ALG14: variants seen among roughly 807,000 people sequenced by gnomAD.
The protein encoded by ALG14 is ALG14 UDP-N-acetylglucosaminyltransferase subunit.
Under a neutral mutation model 22.8 loss-of-function variants are expected in ALG14, and 17 were observed. The ratio of observed to expected loss-of-function variants is 0.75; its 90% CI spans 0.51 to 1.12. The LOEUF (loss-of-function observed/expected upper bound fraction) is 1.12, where lower values mean the gene tolerates loss of function less well. Ranked by LOEUF, ALG14 falls within the 50% of genes most tolerant of loss-of-function variation. The pLI is 0.00. For missense variants in ALG14, 288 were observed against 271.8 expected, an observed-to-expected ratio of 1.06 and a Z score of -0.42; for synonymous variants, 89 against 103.7, an observed-to-expected ratio of 0.86 and a Z score of 0.86.
intron 3 of ALG14, among the ~76,000 whole-genome samples, chr1:95,023,450 G>A (rs538533523): frequency 1.2e-4 from 18 of 152,234 alleles, no homozygotes; most frequent in African/African-American, 4.3e-4. Context: ...TATGAACTTA[G>A]ACATTTCACA....
intron 2 of ALG14, among the ~76,000 whole-genome samples, chr1:95,044,191 C>T (rs1042989123): frequency 1.1e-4 from 17 of 152,252 alleles, no homozygotes; most frequent in African/African-American, 4.1e-4. Context: ...TTACTCCTGG[C>T]CCTCCTGATG....
chr1:94,979,827 A>G lies in ALG14; in HGVS notation c.*3249T>C, dbSNP rs527360419. The G allele has an allele frequency of 6.6e-6, 1 of 152,316 alleles. No individual in the cohort carries two copies. Among genetic ancestry groups the G allele is most frequent in the South Asian group, 2.1e-4 (1 of 4,828 alleles). The allele number at this position is 152,316 out of a possible 1,614,324, so 9.4% of individuals were successfully genotyped here. On this transcript the variant is annotated 3_prime_UTR_variant, in exon 4 of 4. Coordinates refer to ENST00000370205, the MANE Select transcript of ALG14 (RefSeq NM_144988.4). ...ACACAGTTGTAGATGATTTGTTTTTAGAGTGCTAGAGGGATGGGCCCTAAC... is the reference window on the plus strand; with the variant it reads ...ACACAGTTGTAGATGATTTGTTTTTGGAGTGCTAGAGGGATGGGCCCTAAC...
intron 2 of ALG14, among the ~76,000 whole-genome samples, chr1:95,043,522 G>A (rs1311155971): frequency 3.3e-5 from 5 of 152,190 alleles, no homozygotes; most frequent in Non-Finnish European, 7.3e-5. Context: ...CCGACTGCAG[G>A]CTCTATGTTC....
intron 3 of ALG14, among the ~76,000 whole-genome samples, chr1:95,024,875 T>C (rs960497907): frequency 1.3e-5 from 2 of 152,202 alleles, no homozygotes; most frequent in African/African-American, 4.8e-5. Context: ...CTCAAAGTCA[T>C]GCAGGAGGGC....
intron 3 of ALG14, among the ~76,000 whole-genome samples, chr1:94,993,511 A>C (rs991098717): frequency 4.0e-5 from 6 of 151,332 alleles, no homozygotes; most frequent in Non-Finnish European, 5.9e-5. Flanking sequence ...AAGCCTGATT[A>C]CCAAGGGCAG....
chr1:94,974,469 A>G lies in ALG14; in HGVS notation c.*8607T>C, dbSNP rs1672357937. 1 of 152,218 alleles carries G rather than the reference A, an allele frequency of 6.6e-6. No individual in the cohort carries two copies. The highest frequency in any genetic ancestry group is 1.5e-5 in the Non-Finnish European group (1 of 68,048). 9.4% of individuals were successfully genotyped at this position (152,218 alleles called of 1,614,324 possible). ...TCTCAGTTATACAGGAAAGGAAAAG[A>G]GATTAGGAATCAAGTCCAACCATGT... On this transcript the variant is annotated 3_prime_UTR_variant, in exon 4 of 4. Transcript: ENST00000370205.
intron 3 of ALG14, among the ~76,000 whole-genome samples, chr1:95,007,113 G>A (rs141847323): frequency 1.3e-5 from 2 of 152,150 alleles, no homozygotes; most frequent in Admixed American, 6.5e-5. Context: ...AACAATCACC[G>A]TACTGCCAGT....
intron 1 of ALG14, among the ~76,000 whole-genome samples, chr1:95,066,335 T>C (rs915934063): frequency 5.9e-5 from 9 of 152,056 alleles, no homozygotes; most frequent in Non-Finnish European, 1.5e-5. Context: ...GCGACTCTCC[T>C]GCCTCAGCCT....
At position 94,977,915 on chromosome 1, in the gene ALG14, T is replaced by C. The variant is rs1004371037; in HGVS notation, c.*5161A>G. The C allele has an allele frequency of 6.6e-6, 1 of 152,272 alleles. No homozygotes were observed. The highest frequency in any genetic ancestry group is 2.4e-5 in the African/African-American group (1 of 41,442). 9.4% of individuals were successfully genotyped at this position (152,272 alleles called of 1,614,324 possible). ...ATCCATCCACCTCGGCCTCCCAAAG[T>C]GCTGGGATTACAAGTGTGAAACACT... On this transcript the variant is annotated 3_prime_UTR_variant, in exon 4 of 4. Transcript: ENST00000370205.
intron 2 of ALG14, among the ~76,000 whole-genome samples, chr1:95,047,573 A>G (rs1674604078): frequency 3.3e-5 from 5 of 152,032 alleles, no homozygotes; most frequent in Non-Finnish European, 7.4e-5. Context: ...TGAACTCCTG[A>G]CCTCAGCTGA....
At chr1:95,043,465 G>A (rs1021185237) in intron 2 of ALG14, among the ~76,000 whole-genome samples, 2 of 152,248 alleles carry the variant, frequency 1.3e-5, no homozygotes, top group East Asian at 3.9e-4. Context: ...CAATAGTGAC[G>A]AGGATGAGAA....
chr1:95,061,218 A>G (rs1421798929), intron 2 of ALG14, among the ~76,000 whole-genome samples: 1 of 152,182 alleles, frequency 6.6e-6, no homozygotes, highest in Non-Finnish European at 1.5e-5. Flanking sequence ...TAAGCCACCC[A>G]GTTTATGGGT....
chr1:94,993,468 T>C lies in ALG14; in HGVS notation c.421-10162A>G, dbSNP rs536778737. Among the ~76,000 whole-genome samples, 27 of 148,742 alleles carry C rather than the reference T, an allele frequency of 1.8e-4. 1 individual carries two copies. Among genetic ancestry groups the C allele is most frequent in the Middle Eastern group, 7.2e-3 (2 of 278 alleles). ...TATAATATATAAAGATATTTGTAAT[T>C]TATATATATTTATACATGTATAAAG... On this transcript the variant is annotated intron_variant, in intron 3 of 3. Transcript: ENST00000370205.
intron 2 of ALG14, among the ~76,000 whole-genome samples, chr1:95,029,153 AG>A (rs1673917546): frequency 6.6e-6 from 1 of 152,186 alleles, no homozygotes; most frequent in Non-Finnish European, 1.5e-5. Flanking sequence ...CTGGGGTTGT[AG>A]TCATCTGAAG....
chr1:95,018,577 C>A (rs72720240), intron 3 of ALG14, among the ~76,000 whole-genome samples: 1 of 151,496 alleles, frequency 6.6e-6, no homozygotes, highest in Admixed American at 6.6e-5. Context: ...AAAAAAGGGA[C>A]GGAAGGAAGG....
At chr1:95,048,868 T>TA (rs1361151220) in intron 2 of ALG14, among the ~76,000 whole-genome samples, 1 of 152,150 alleles carries the variant, frequency 6.6e-6, no homozygotes, top group Admixed American at 6.6e-5. Flanking sequence ...TGTTTCTTAT[T>TA]AAAAAGCTAC....
chr1:95,062,491 C>G (rs544822809), intron 2 of ALG14, among the ~76,000 whole-genome samples: 25 of 152,230 alleles, frequency 1.6e-4, no homozygotes, highest in East Asian at 9.7e-4. Context: ...GTTGTTCCCC[C>G]ATATGTACCC....
chr1:95,064,936 G>A lies in ALG14; in HGVS notation c.218C>T (p.Thr73Ile), dbSNP rs1675303306. 6.2e-7 allele frequency: 1 copy of A among 1,613,952 alleles called. No homozygotes were observed. Among genetic ancestry groups the A allele is most frequent in the African/African-American group, 1.3e-5 (1 of 75,016 alleles). ...YSPRHYVIAD[T>I]DEMSANKINS... ...TATTTTATTGGCACTCATTTCATCA[G>A]TGTCAGCAATGACATAATGTCTAGG... is the stretch of plus-strand genomic sequence containing the variant. The change falls in exon 2 of 4, where the codon ACT becomes ATT. Residue 73 changes from threonine (T) to isoleucine (I), a missense_variant. Coordinates refer to ENST00000370205, the MANE Select transcript of ALG14 (RefSeq NM_144988.4).
At chr1:95,020,504 C>T (rs1280625485) in intron 3 of ALG14, among the ~76,000 whole-genome samples, 2 of 151,446 alleles carry the variant, frequency 1.3e-5, no homozygotes, top group Admixed American at 6.6e-5. Context: ...TTTGGGAGGC[C>T]GAGGCGGGCA....
Sources: allele counts gnomAD v4.1 joint callset (sites outside exome capture counted in the v4.1 genomes callset), GRCh38; gene constraint gnomAD v4.1.1; transcripts MANE v1.5; gene names NCBI Gene and HGNC (gene_info 2026-07-23, HGNC 2026-07-21).